CTCF: variants seen among roughly 807,000 people sequenced by gnomAD.
CTCF encodes the protein CCCTC-binding factor, also known as transcriptional repressor CTCF.
CTCF carries 7 observed loss-of-function variants against 72.3 expected under a neutral mutation model. The observed-to-expected ratio is 0.10, with a 90% CI of 0.06 to 0.18. The LOEUF (loss-of-function observed/expected upper bound fraction) is 0.18, where lower values mean the gene tolerates loss of function less well. CTCF is among the 10% of genes least tolerant of loss of function. The pLI is 1.00. For synonymous variants in CTCF, 374 were observed against 315.8 expected (o/e 1.18, Z -1.95); for missense variants, 516 against 949.1 (o/e 0.54, Z 6.00).
At chr16:67,625,636 G>T (rs2052272843) in intron 7 of CTCF, among the ~76,000 whole-genome samples, 1 of 152,152 alleles carries the variant, frequency 6.6e-6, no homozygotes, top group Non-Finnish European at 1.5e-5. Context: ...AAGCATAGCT[G>T]CTTTCAAATC....
rs560119309 is a variant in CTCF at position 67,597,487 on chromosome 16, C to T, written c.-9-13337C>T. On this transcript the variant is annotated intron_variant, in intron 2 of 11. Transcript: ENST00000264010. ...CCGAGTAGTTGGGATTACAGGTGCC[C>T]GCCACTAAGCACAGTTAATTTCTGT... Among the ~76,000 whole-genome samples, 11 of 152,182 alleles carry T rather than the reference C, an allele frequency of 7.2e-5. No individual in the cohort carries two copies. The South Asian group carries it at 1.2e-3, about 17-fold the overall frequency.
chr16:67,609,725 G>A (rs1246821929), intron 2 of CTCF, among the ~76,000 whole-genome samples: 2 of 150,992 alleles, frequency 1.3e-5, no homozygotes, highest in Non-Finnish European at 2.9e-5. Flanking sequence ...CCAGGTTCAC[G>A]CCATTCTCCT....
intron 2 of CTCF, among the ~76,000 whole-genome samples, chr16:67,574,603 A>G (rs2051469351): frequency 6.6e-6 from 1 of 150,912 alleles, no homozygotes; most frequent in Non-Finnish European, 1.5e-5. Context: ...CGGCCTCCCA[A>G]AGTGCTGGGA....
At chr16:67,596,454 TTATACA>T (rs1192412105) in intron 2 of CTCF, among the ~76,000 whole-genome samples, 1 of 152,208 alleles carries the variant, frequency 6.6e-6, no homozygotes, top group Non-Finnish European at 1.5e-5. Flanking sequence ...AATTTTACAG[TTATACA>T]TATGATAAAG....
intron 5 of CTCF, among the ~76,000 whole-genome samples, chr16:67,617,251 G>T (rs2048079961): frequency 6.6e-6 from 1 of 152,104 alleles, no homozygotes; most frequent in South Asian, 2.1e-4. Context: ...TATAATCCCA[G>T]CAGTTTGGGA....
In CTCF at chr16:67,629,501, T is replaced by G; in HGVS notation, c.1805T>G (p.Met602Arg). Residue 602 changes from methionine to arginine, a missense_variant, in exon 10 of 12, where the codon ATG becomes AGG. Met to Arg is a moderately conservative substitution (Grantham distance 91). Coordinates refer to ENST00000264010, the MANE Select transcript of CTCF (RefSeq NM_006565.4). The part of the protein sequence containing the change: ...KKSKRGRKRK[M>R]RSKKEDSSDS... ...AGTAAACGTGGAAGAAAAAGAAAGA[T>G]GCGCTCTAAGAAAGAAGATTCCTCT... 6.2e-7 allele frequency: 1 copy of G among 1,613,692 alleles called. No homozygotes were observed. Among genetic ancestry groups the G allele is most frequent in the Non-Finnish European group, 8.5e-7 (1 of 1,179,908 alleles).
rs2051286937 is a variant in CTCF, at chr16:67,562,569, G to A, written c.-282G>A. On this transcript the variant is annotated 5_prime_UTR_variant, in exon 1 of 12. Transcript: ENST00000264010. ...CGCGCCGCCGCCATTTTGTGTCTGA[G>A]CCTGTGGAGCGATTAAACCGTGCGC... 1 of 151,844 alleles carries A rather than the reference G, an allele frequency of 6.6e-6. No homozygotes were observed. Among genetic ancestry groups the A allele is most frequent in the Non-Finnish European group, 1.5e-5 (1 of 68,032 alleles). The allele number at this position is 151,844 out of a possible 1,614,324, so 9.4% of individuals were successfully genotyped here.
At chr16:67,568,775 T>TG (rs1049433524) in intron 1 of CTCF, among the ~76,000 whole-genome samples, 5 of 152,178 alleles carry the variant, frequency 3.3e-5, no homozygotes, top group African/African-American at 1.2e-4. Flanking sequence ...AGCAGTCCTC[T>TG]GCTGTGGCCT....
At position 67,628,564 on chromosome 16, in the gene CTCF, AACTTC is replaced by A; in HGVS notation, c.1701+17_1701+21del. 1 of 1,612,036 alleles carries A rather than the reference AACTTC, an allele frequency of 6.2e-7. No homozygotes were observed. Among genetic ancestry groups the A allele is most frequent in the Non-Finnish European group, 8.5e-7 (1 of 1,178,238 alleles). On this transcript the variant is annotated intron_variant, in intron 9 of 11. Coordinates refer to ENST00000264010, the MANE Select transcript of CTCF (RefSeq NM_006565.4). ...CATTTACACGTCGGGTAAGGGTCAGAACTTCACTTTGCCTGTTATGATACTGAATA... is the reference window on the plus strand; with the variant it reads ...CATTTACACGTCGGGTAAGGGTCAGAACTTTGCCTGTTATGATACTGAATA...
intron 9 of CTCF, 86 bp downstream of exon 9, chr16:67,628,638 A>G: frequency 7.5e-7 from 1 of 1,337,308 alleles, no homozygotes. Flanking sequence ...AGTTTTTTTC[A>G]CTGAGGTTAT....
Position 67,639,146 on chromosome 16 carries a change from C to T in CTCF, c.*1274C>T, listed in dbSNP as rs1225800744. 3 of 192,156 alleles carry T rather than the reference C, an allele frequency of 1.6e-5. No homozygotes were observed. The East Asian group carries it at 2.5e-4, about 16-fold the overall frequency. 11.9% of individuals were successfully genotyped at this position (192,156 alleles called of 1,614,324 possible). Reference sequence around the variant, plus strand: ...CTGGGGAGGAGGATCTACTGCTGTACAGCTAATAAATCATAACGGATTAAC... The same window carrying T: ...CTGGGGAGGAGGATCTACTGCTGTATAGCTAATAAATCATAACGGATTAAC... On this transcript the variant is annotated 3_prime_UTR_variant, in exon 12 of 12. Transcript: ENST00000264010.
At chr16:67,614,370 ATGT>A (rs940738627) in intron 4 of CTCF, 8 of 146,324 alleles carry the variant, frequency 5.5e-5, no homozygotes, top group East Asian at 2.1e-4. Flanking sequence ...AAAAAAAAAG[ATGT>A]TGTAGCAATT....
intron 2 of CTCF, among the ~76,000 whole-genome samples, chr16:67,602,718 G>C (rs1169624127): frequency 6.6e-6 from 1 of 151,754 alleles, no homozygotes; most frequent in Non-Finnish European, 1.5e-5. Flanking sequence ...GCGCATGCCT[G>C]TAATCCCAGC....
intron 3 of CTCF, 110 bp downstream of exon 3, chr16:67,611,723 TGTGGGTAC>T: frequency 8.8e-7 from 1 of 1,133,344 alleles, no homozygotes; most frequent in East Asian, 2.5e-5. Context: ...AAGGTCGTTA[TGTGGGTAC>T]CGTTCTTTAA....
chr16:67,613,385 G>C (rs1353781465), intron 4 of CTCF, among the ~76,000 whole-genome samples: 1 of 152,142 alleles, frequency 6.6e-6, no homozygotes, highest in Non-Finnish European at 1.5e-5. Flanking sequence ...TGCTGCACAT[G>C]GGCACATTCT....
chr16:67,612,202 G>A (rs1270338628), intron 4 of CTCF, 81 bp downstream of exon 4: 24 of 1,347,320 alleles, frequency 1.8e-5, no homozygotes, highest in South Asian at 1.2e-4. Flanking sequence ...TGACTCCAGC[G>A]GGAATTTAAA....
intron 2 of CTCF, among the ~76,000 whole-genome samples, chr16:67,572,030 G>A (rs921593939): frequency 3.3e-5 from 5 of 151,964 alleles, no homozygotes; most frequent in Admixed American, 6.6e-5. Context: ...TAATTTAATC[G>A]TACATGTGTA....
intron 2 of CTCF, among the ~76,000 whole-genome samples, chr16:67,593,586 C>G (rs1268662475): frequency 1.3e-5 from 2 of 152,128 alleles, no homozygotes; most frequent in Non-Finnish European, 2.9e-5. Context: ...GTATCAACCT[C>G]TGTTAGGCCA....
chr16:67,599,857 G>C (rs1434396242), intron 2 of CTCF, among the ~76,000 whole-genome samples: 2 of 152,174 alleles, frequency 1.3e-5, no homozygotes, highest in Non-Finnish European at 2.9e-5. Context: ...GAAGGTGACA[G>C]CCAAACATTA....
Sources: allele counts gnomAD v4.1 joint callset (sites outside exome capture counted in the v4.1 genomes callset), GRCh38; gene constraint gnomAD v4.1.1; transcripts MANE v1.5; gene names NCBI Gene and HGNC (gene_info 2026-07-23, HGNC 2026-07-21).